MIGA1: variants seen among roughly 807,000 people sequenced by gnomAD.
MIGA1 encodes family with sequence similarity 73, member A.
MIGA1 carries 58 observed loss-of-function variants against 82.0 expected under a neutral mutation model. The ratio of observed to expected loss-of-function variants is 0.71; its 90% CI spans 0.57 to 0.88. The LOEUF (loss-of-function observed/expected upper bound fraction) is 0.88, where lower values mean the gene tolerates loss of function less well. Ranked by LOEUF, MIGA1 falls within the 40% of genes least tolerant of loss-of-function variation. The pLI is 0.00. For synonymous variants in MIGA1, 249 were observed against 253.6 expected (o/e 0.98, Z 0.17); for missense variants, 751 against 749.1 (o/e 1.00, Z -0.03).
At chr1:77,864,343 A>G (rs547875296) in intron 13 of MIGA1, among the ~76,000 whole-genome samples, 30 of 151,660 alleles carry the variant, frequency 2.0e-4, no homozygotes, top group Non-Finnish European at 3.7e-4. Context: ...AGCCTGGGCA[A>G]CAAAAGCAAA....
intron 14 of MIGA1, among the ~76,000 whole-genome samples, chr1:77,871,094 G>GTGGAGA (rs1685967702): frequency 1.9e-5 from 1 of 53,378 alleles, no homozygotes; most frequent in South Asian, 9.2e-4. Flanking sequence ...CCGTGGGAAG[G>GTGGAGA]GGGAGAGGGA....
At chr1:77,843,905 C>T (rs889030490) in intron 8 of MIGA1, among the ~76,000 whole-genome samples, 2 of 151,484 alleles carry the variant, frequency 1.3e-5, no homozygotes, top group African/African-American at 4.9e-5. Flanking sequence ...TTGAGACCAG[C>T]TTGAGCAACA....
chr1:77,812,783 A>G (rs1232581469), intron 5 of MIGA1, among the ~76,000 whole-genome samples: 2 of 152,122 alleles, frequency 1.3e-5, no homozygotes, highest in Non-Finnish European at 2.9e-5. Flanking sequence ...GCTTTCTCTC[A>G]GCAAGGAAAG....
chr1:77,818,482 G>A (rs1220661620), intron 7 of MIGA1, among the ~76,000 whole-genome samples: 2 of 152,108 alleles, frequency 1.3e-5, no homozygotes, highest in African/African-American at 4.8e-5. Flanking sequence ...AAGGATGTAC[G>A]TGAAGTGCTT....
At chr1:77,852,059 A>G (rs777933722) in intron 8 of MIGA1, among the ~76,000 whole-genome samples, 47 of 151,510 alleles carry the variant, frequency 3.1e-4, no homozygotes, top group Admixed American at 1.1e-3. Flanking sequence ...TAATTTTTGT[A>G]TTTTTAGTAG....
At chr1:77,856,746 G>T (rs1032009344) in intron 8 of MIGA1, among the ~76,000 whole-genome samples, 32 of 151,964 alleles carry the variant, frequency 2.1e-4, no homozygotes, top group Admixed American at 9.2e-4. Context: ...TCTTAGTGAG[G>T]TTATTGGGAT....
intron 7 of MIGA1, among the ~76,000 whole-genome samples, chr1:77,822,316 C>T (rs1683847661): frequency 6.6e-6 from 1 of 152,108 alleles, no homozygotes; most frequent in Non-Finnish European, 1.5e-5. Context: ...GCCCTAGTTC[C>T]TCAGGAGGCT....
chr1:77,793,107 A>G (rs892070343), intron 2 of MIGA1, among the ~76,000 whole-genome samples: 15 of 144,966 alleles, frequency 1.0e-4, no homozygotes, highest in African/African-American at 3.6e-4. Context: ...TTTTGTTTGT[A>G]TGTTTTTTGT....
chr1:77,807,550 A>G (rs543036547), intron 5 of MIGA1, among the ~76,000 whole-genome samples: 33 of 152,146 alleles, frequency 2.2e-4, no homozygotes, highest in Non-Finnish European at 4.1e-4. Context: ...TAGTCTTCAT[A>G]ACGTCATACA....
At chr1:77,796,448 A>T (rs1472496602) in intron 2 of MIGA1, among the ~76,000 whole-genome samples, 1 of 148,770 alleles carries the variant, frequency 6.7e-6, no homozygotes, top group Non-Finnish European at 1.5e-5. Context: ...TAAGAGATGG[A>T]GTCTCACTTT....
At chr1:77,839,210 C>T (rs1432191946) in intron 7 of MIGA1, among the ~76,000 whole-genome samples, 3 of 151,874 alleles carry the variant, frequency 2.0e-5, no homozygotes, top group Non-Finnish European at 4.4e-5. Context: ...ACCGTACATC[C>T]TCGACCAAAA....
rs1159249572 is a variant in MIGA1 at position 77,841,091 on chromosome 1, G to A, written c.896-2216G>A. ...ACCAGTTTGATAGCTATTTATAAGT[G>A]TGAAACAATTATGTTGTTTTATTCT... On this transcript the variant is annotated intron_variant, in intron 7 of 15. Transcript: ENST00000370791. Among the ~76,000 whole-genome samples, 4 of 152,150 alleles carry A rather than the reference G, an allele frequency of 2.6e-5. No homozygotes were observed. The South Asian group carries it at 6.2e-4, about 24-fold the overall frequency.
chr1:77,812,443 CAATA>C (rs545909699), intron 5 of MIGA1, among the ~76,000 whole-genome samples: 7 of 151,468 alleles, frequency 4.6e-5, no homozygotes, highest in Admixed American at 1.3e-4. Context: ...GACTCTGTCT[CAATA>C]AATAAATAAA....
At position 77,860,371 on chromosome 1, in the gene MIGA1, A is replaced by G. The variant is rs899319199; in HGVS notation, c.1275+245A>G. ...ATGTCATGGTGAGAATTATCATTAG[A>G]TCTGCTGCTATAACCATCACTGTTA... On this transcript the variant is annotated intron_variant, in intron 11 of 15. Coordinates refer to ENST00000370791, the MANE Select transcript of MIGA1 (RefSeq NM_198549.4). 2.4e-5 allele frequency: 10 copies of G among 420,986 alleles called. No homozygotes were observed. The East Asian group carries it at 3.4e-4, about 14-fold the overall frequency. 26.1% of individuals were successfully genotyped at this position (420,986 alleles called of 1,614,324 possible).
At chr1:77,845,594 G>A (rs1012086171) in intron 8 of MIGA1, among the ~76,000 whole-genome samples, 1 of 152,042 alleles carries the variant, frequency 6.6e-6, no homozygotes, top group Non-Finnish European at 1.5e-5. Context: ...TGCTTCCATG[G>A]TATAAATGTA....
At chr1:77,780,209 G>A (rs891783134) in intron 1 of MIGA1, 1 of 986,774 alleles carries the variant, frequency 1.0e-6, no homozygotes. Flanking sequence ...CAGCTGGTGA[G>A]GTCTCAGGTT....
At chr1:77,853,749 C>T in intron 8 of MIGA1, 1 of 327,712 alleles carries the variant, frequency 3.1e-6, no homozygotes, top group East Asian at 8.8e-5. Flanking sequence ...CCAGAAAAAT[C>T]TCAAGGAAAA....
intron 8 of MIGA1, chr1:77,853,609 G>T (rs1029249156): frequency 6.1e-6 from 1 of 165,266 alleles, no homozygotes; most frequent in Non-Finnish European, 1.3e-5. Flanking sequence ...AGCCTGGGAA[G>T]TTGAGGCTGC....
Position 77,779,723 on chromosome 1 carries a change from G to A in MIGA1, c.68G>A (p.Gly23Asp), listed in dbSNP as rs752875500. The change falls in exon 1 of 16, where the codon GGC (glycine) becomes GAC (aspartate). Residue 23 changes from glycine (G) to aspartate (D), a missense_variant. Gly to Asp is a moderately conservative substitution (Grantham distance 94). Around this residue, in one of 3 missense-constraint regions of MIGA1, gnomAD observed 482 missense variants for 439.4 expected, o/e 1.10. Transcript: ENST00000370791. ...GGCGTGGGCAGGCCAGCTGTACCTGGCCTGGAGCTCCAGGTACAGGGCCAG... is the reference window on the plus strand; with the variant it reads ...GGCGTGGGCAGGCCAGCTGTACCTGACCTGGAGCTCCAGGTACAGGGCCAG... 3.8e-6 allele frequency: 6 copies of A among 1,573,520 alleles called. No individual in the cohort carries two copies. Among genetic ancestry groups the A allele is most frequent in the Non-Finnish European group, 3.4e-6 (4 of 1,160,184 alleles).
Sources: allele counts gnomAD v4.1 joint callset (sites outside exome capture counted in the v4.1 genomes callset), GRCh38; gene constraint gnomAD v4.1.1; regional missense constraint gnomAD v4.1.1; transcripts MANE v1.5; gene names NCBI Gene and HGNC (gene_info 2026-07-23, HGNC 2026-07-21).